The following QSOX1 variants were observed in gnomAD, a reference collection of about 807,000 sequenced individuals.
QSOX1 encodes the protein sulfhydryl oxidase 1.
A neutral mutation model predicts 76.1 loss-of-function variants in QSOX1; 40 were observed. The ratio of observed to expected loss-of-function variants is 0.53; its 90% CI spans 0.41 to 0.68. QSOX1 has a LOEUF of 0.68. Among genes scored for constraint, QSOX1 ranks in the 30% least tolerant of loss-of-function variants. The pLI is 0.00. For missense variants in QSOX1, 931 were observed against 974.3 expected (o/e 0.96, Z 0.59); for synonymous variants, 392 against 413.1 (o/e 0.95, Z 0.62).
chr1:180,155,251 C>A, intron 1 of QSOX1, 79 bp downstream of exon 1: 1 of 1,293,450 alleles, frequency 7.7e-7, no homozygotes, highest in South Asian at 1.6e-5. Flanking sequence ...GCCTCCTACT[C>A]CGGGAGCGCG....
At chr1:180,170,242 C>G (rs75138477) in intron 2 of QSOX1, among the ~76,000 whole-genome samples, 2,486 of 152,192 alleles carry the variant, frequency 0.016, 72 homozygotes, top group African/African-American at 0.057. Context: ...GACAGGACTC[C>G]AGGATGTCTC....
At chr1:180,188,879 CACACACAT>C (rs1398085586) in intron 8 of QSOX1, among the ~76,000 whole-genome samples, 1 of 152,258 alleles carries the variant, frequency 6.6e-6, no homozygotes, top group African/African-American at 2.4e-5. Context: ...CACGCACACA[CACACACAT>C]ACACACATAT....
chr1:180,186,123 C>T lies in QSOX1; in HGVS notation c.958C>T (p.Pro320Ser). ...CCTGCGGATAGAAGTGGGCAGGTTC[C>T]CGGTCCTGGAAGGGCAGCGCCTGGT... is the stretch of plus-strand genomic sequence containing the variant. ...YILRIEVGRFPVLEGQRLVAL... is the reference protein window; with the variant it reads ...YILRIEVGRFSVLEGQRLVAL... Residue 320 changes from proline to serine, a missense_variant, in exon 8 of 12, where the codon CCG (proline) becomes TCG (serine). Pro to Ser is a moderately conservative substitution (Grantham distance 74). Coordinates refer to ENST00000367602, the MANE Select transcript of QSOX1 (RefSeq NM_002826.5). 1 of 1,614,222 alleles carries T rather than the reference C, an allele frequency of 6.2e-7. No individual in the cohort carries two copies.
rs1015099927 is a variant in QSOX1, at chr1:180,203,851, C to T, written c.*6814C>T. 3.3e-5 allele frequency: 5 copies of T among 152,246 alleles called. No homozygotes were observed. The highest frequency in any genetic ancestry group is 3.8e-4 in the East Asian group (2 of 5,206). The allele number at this position is 152,246 out of a possible 1,614,324, so 9.4% of individuals were successfully genotyped here. ...TCTGTCCCTAAATTCTCTCTGAGTACACTGCAGCCCTGAAGTTCTTTGAAC... is the reference window on the plus strand; with the variant it reads ...TCTGTCCCTAAATTCTCTCTGAGTATACTGCAGCCCTGAAGTTCTTTGAAC... On this transcript the variant is annotated 3_prime_UTR_variant, in exon 12 of 12. Coordinates refer to ENST00000367602, the MANE Select transcript of QSOX1 (RefSeq NM_002826.5).
At chr1:180,183,483 A>G (rs780515584) in intron 6 of QSOX1, among the ~76,000 whole-genome samples, 1 of 152,188 alleles carries the variant, frequency 6.6e-6, no homozygotes, top group Non-Finnish European at 1.5e-5. Flanking sequence ...TTAGGGGGTA[A>G]TGTCACTTAT....
At chr1:180,180,635 C>G (rs1296465217) in intron 5 of QSOX1, among the ~76,000 whole-genome samples, 1 of 152,270 alleles carries the variant, frequency 6.6e-6, no homozygotes, top group Non-Finnish European at 1.5e-5. Flanking sequence ...CTGCCTCAGC[C>G]TCCTGAGTAG....
At chr1:180,185,543 C>T (rs1295827035) in intron 7 of QSOX1, among the ~76,000 whole-genome samples, 2 of 152,204 alleles carry the variant, frequency 1.3e-5, no homozygotes, top group African/African-American at 2.4e-5. Flanking sequence ...AAATACAGGC[C>T]CTGCTTCCCC....
chr1:180,171,317 T>C (rs1410886791), intron 2 of QSOX1, among the ~76,000 whole-genome samples: 2 of 151,936 alleles, frequency 1.3e-5, no homozygotes, highest in East Asian at 1.9e-4. Flanking sequence ...ACTTGTCAGC[T>C]AACTGGATGA....
intron 2 of QSOX1, among the ~76,000 whole-genome samples, chr1:180,172,867 G>A (rs1009605718): frequency 4.6e-5 from 7 of 151,896 alleles, no homozygotes; most frequent in Non-Finnish European, 1.0e-4. Flanking sequence ...TTTTAATATG[G>A]GCACCTGCTC....
chr1:180,190,984 T>C (rs1173907879), intron 10 of QSOX1, among the ~76,000 whole-genome samples: 1 of 152,176 alleles, frequency 6.6e-6, no homozygotes, highest in Non-Finnish European at 1.5e-5. Context: ...ACATAGCAGG[T>C]GCTTTGAGCA....
chr1:180,186,085 C>T lies in QSOX1; in HGVS notation c.920C>T (p.Ala307Val). Residue 307 changes from alanine to valine, a missense_variant, in exon 8 of 12, where the codon GCA becomes GTA. Transcript: ENST00000367602. ...ATCTACATGGCTGACCTGGAATCTG[C>T]ACTGCACTACATCCTGCGGATAGAA... ...SKIYMADLES[A>V]LHYILRIEVG... 6.2e-7 allele frequency: 1 copy of T among 1,614,164 alleles called. No homozygotes were observed.
rs1663034054 is a variant in QSOX1, at chr1:180,181,475, C to T, written c.607-699C>T. Among the ~76,000 whole-genome samples the T allele has an allele frequency of 5.3e-5, 8 of 152,228 alleles. No homozygotes were observed. The South Asian group carries it at 1.7e-3, about 32-fold the overall frequency. On this transcript the variant is annotated intron_variant, in intron 5 of 11. Coordinates refer to ENST00000367602, the MANE Select transcript of QSOX1 (RefSeq NM_002826.5). Reference sequence around the variant, plus strand: ...AACTATACACATTGACCAAAGGGCCCCTCTGACTACTGCACATACTGGGCT... The same window carrying T: ...AACTATACACATTGACCAAAGGGCCTCTCTGACTACTGCACATACTGGGCT...
intron 8 of QSOX1, among the ~76,000 whole-genome samples, chr1:180,188,173 C>T (rs2149240907): frequency 6.6e-6 from 1 of 152,332 alleles, no homozygotes; most frequent in East Asian, 1.9e-4. Flanking sequence ...TGCCCATTAC[C>T]ACCAAGTGCA....
chr1:180,194,099 C>T, intron 10 of QSOX1, 114 bp from the exon 11 acceptor site: 1 of 900,836 alleles, frequency 1.1e-6, no homozygotes, highest in Non-Finnish European at 1.7e-6. Context: ...GTGTGTGGCA[C>T]CTGTGCAGGG....
At position 180,200,970 on chromosome 1, in the gene QSOX1, T is replaced by G. The variant is rs1299658858; in HGVS notation, c.*3933T>G. 1.3e-5 allele frequency: 2 copies of G among 152,050 alleles called. No individual in the cohort carries two copies. Among genetic ancestry groups the G allele is most frequent in the Non-Finnish European group, 2.9e-5 (2 of 68,034 alleles). The allele number at this position is 152,050 out of a possible 1,614,324, so 9.4% of individuals were successfully genotyped here. A position where few individuals can be genotyped will look rare whatever the true frequency, so the allele number is the denominator to read the frequency against. On this transcript the variant is annotated 3_prime_UTR_variant, in exon 12 of 12. Coordinates refer to ENST00000367602, the MANE Select transcript of QSOX1 (RefSeq NM_002826.5). ...TGGGGACACCCTGAAGGAATCCGCCTTTTCTAGAGCTCTCGCTCCATTCCC... is the reference window on the plus strand; with the variant it reads ...TGGGGACACCCTGAAGGAATCCGCCGTTTCTAGAGCTCTCGCTCCATTCCC...
chr1:180,188,808 C>T (rs1176739070), intron 8 of QSOX1, among the ~76,000 whole-genome samples: 1 of 152,216 alleles, frequency 6.6e-6, no homozygotes, highest in African/African-American at 2.4e-5. Context: ...TTTATCTGAT[C>T]AGCCTGCTGC....
In QSOX1 at chr1:180,198,420, C is replaced by T. The variant is rs908762320; in HGVS notation, c.*1383C>T. On this transcript the variant is annotated 3_prime_UTR_variant, in exon 12 of 12. Coordinates refer to ENST00000367602, the MANE Select transcript of QSOX1 (RefSeq NM_002826.5). ...GTCAGCCAGGATTAGAGAGCCTGCC[C>T]CTAATCCGGCCTGCTGGGTTTTACA... 1.1e-5 allele frequency: 5 copies of T among 455,946 alleles called. No homozygotes were observed. Among genetic ancestry groups the T allele is most frequent in the Admixed American group, 9.4e-5 (4 of 42,568 alleles). The allele number at this position is 455,946 out of a possible 1,614,324, so 28.2% of individuals were successfully genotyped here. A position where few individuals can be genotyped will look rare whatever the true frequency, so the allele number is the denominator to read the frequency against.
At chr1:180,194,805 C>T (rs967904936) in intron 11 of QSOX1, among the ~76,000 whole-genome samples, 17 of 152,278 alleles carry the variant, frequency 1.1e-4, no homozygotes, top group African/African-American at 3.1e-4. Flanking sequence ...TACCAGGCAC[C>T]GGCTCCCAGG....
intron 2 of QSOX1, among the ~76,000 whole-genome samples, chr1:180,172,342 G>A (rs2149234227): frequency 6.6e-6 from 1 of 152,154 alleles, no homozygotes; most frequent in South Asian, 2.1e-4. Flanking sequence ...AGGTGGGTGC[G>A]AAGCTTCTGA....
Sources: gnomAD v4.1 joint callset for allele counts (sites outside exome capture counted in the v4.1 genomes callset) on GRCh38, gnomAD v4.1.1 for gene constraint, MANE v1.5 for transcripts, NCBI Gene and HGNC (gene_info 2026-07-23, HGNC 2026-07-21) for gene names.